DNMT3A: variants seen among roughly 807,000 people sequenced by gnomAD.
DNMT3A encodes DNA methyltransferase 3 alpha.
A neutral mutation model predicts 117.6 loss-of-function variants in DNMT3A; 267 were observed. The observed-to-expected ratio is 2.27, with a 90% confidence interval of 2.05 to 2.51. DNMT3A has a LOEUF of 2.51. DNMT3A is among the 30% of genes most tolerant of loss of function. DNMT3A has a pLI of 0.00. For missense variants in DNMT3A, 1,029 were observed against 1,260.2 expected (o/e 0.82, Z 2.78); for synonymous variants, 432 against 474.8 (o/e 0.91, Z 1.17).
chr2:25,275,430 C>A, intron 5 of DNMT3A, 70 bp downstream of exon 5: 12 of 1,509,950 alleles, frequency 7.9e-6, no homozygotes, highest in Non-Finnish European at 1.1e-5. Context: ...CGCCCCCTCA[C>A]ACACACTCGC....
intron 3 of DNMT3A, among the ~76,000 whole-genome samples, chr2:25,299,369 C>T (rs1276200371): frequency 6.6e-6 from 1 of 152,224 alleles, no homozygotes; most frequent in African/African-American, 2.4e-5. Context: ...ACTCCTCAGC[C>T]TGCATCTCCC....
chr2:25,339,207 C>G lies in DNMT3A; in HGVS notation c.-178+2619G>C, dbSNP rs1030494400. On this transcript the variant is annotated intron_variant, in intron 1 of 22. Coordinates refer to ENST00000321117, the MANE Select transcript of DNMT3A (RefSeq NM_022552.5). The surrounding 1 kb of genome is among the most constrained non-coding windows in gnomAD (Gnocchi z 4.9). ...AGGCCTGAAATTCCACCACTAGAATCAGAGCCATAGAATGTCAAAGCTGGA... is the reference window on the plus strand; with the variant it reads ...AGGCCTGAAATTCCACCACTAGAATGAGAGCCATAGAATGTCAAAGCTGGA... Among the ~76,000 whole-genome samples, 29 of 152,104 alleles carry G rather than the reference C, an allele frequency of 1.9e-4. No homozygotes were observed. Among genetic ancestry groups the G allele is most frequent in the African/African-American group, 6.3e-4 (26 of 41,392 alleles).
rs190624111 is a variant in DNMT3A at position 25,264,624 on chromosome 2, G to A, written c.639+10317C>T. 1.1e-3 allele frequency among the ~76,000 whole-genome samples: 160 copies of A among 151,792 alleles called. 1 individual carries two copies. Among genetic ancestry groups the A allele is most frequent in the South Asian group, 8.7e-3 (42 of 4,802 alleles). On this transcript the variant is annotated intron_variant, in intron 6 of 22. Coordinates refer to ENST00000321117, the MANE Select transcript of DNMT3A (RefSeq NM_022552.5). ...CTGGGAGGTGCCTGCCACCACGCCCGGCTAATTTTTTGTATTTTTAGTAGA... is the reference window on the plus strand; with the variant it reads ...CTGGGAGGTGCCTGCCACCACGCCCAGCTAATTTTTTGTATTTTTAGTAGA...
chr2:25,234,389 C>CAT lies in DNMT3A; in HGVS notation c.2628_2629insAT (p.Val877MetfsTer5). On this transcript the variant is annotated frameshift_variant, in exon 23 of 23. Transcript: ENST00000321117. LOFTEE classifies it high-confidence loss of function. This position sits in a 1 kb window ranked among gnomAD's most constrained non-coding sequence, Gnocchi z 4.5. ...CTCGCCAAGCGGCTCATGTTGGAGA[C>CAT]GTCAGTATAGTGGACTGGGAAACCA... The CAT allele has an allele frequency of 6.2e-7, 1 of 1,613,970 alleles. No homozygotes were observed. Among genetic ancestry groups the CAT allele is most frequent in the Non-Finnish European group, 8.5e-7 (1 of 1,179,944 alleles).
At chr2:25,240,530 G>A (rs962835623) in intron 18 of DNMT3A, 80 bp from the exon 19 acceptor site, 128 of 1,581,908 alleles carry the variant, frequency 8.1e-5, no homozygotes, top group Non-Finnish European at 1.0e-4. Context: ...GGGAGGGCAC[G>A]GGAAGACAGG....
At chr2:25,319,766 T>C (rs555592593) in intron 1 of DNMT3A, among the ~76,000 whole-genome samples, 1 of 151,878 alleles carries the variant, frequency 6.6e-6, no homozygotes, top group South Asian at 2.1e-4. Flanking sequence ...AGATTTTTTC[T>C]TTCTTTCTTT....
chr2:25,246,806 G>C (rs949891527), intron 9 of DNMT3A, 30 bp from the exon 10 acceptor site: 24 of 1,608,706 alleles, frequency 1.5e-5, no homozygotes, highest in African/African-American at 4.0e-5. Context: ...GGTTGGGGTT[G>C]TCAGGACAGG....
At chr2:25,310,332 A>G (rs890060614) in intron 2 of DNMT3A, among the ~76,000 whole-genome samples, 3 of 60,654 alleles carry the variant, frequency 4.9e-5, no homozygotes, top group African/African-American at 1.8e-4. Context: ...TTGCCTCCCC[A>G]CCCACCCTCC....
rs2034145864 is a variant in DNMT3A, at chr2:25,311,997, AG to A, written c.72+1915del. On this transcript the variant is annotated intron_variant, in intron 2 of 22. Transcript: ENST00000321117. This position sits in a 1 kb window ranked among gnomAD's most constrained non-coding sequence, Gnocchi z 5.2. ...CAGCAGCGGCGTGGGAGTACAGTCC[AG>A]TAACAGGAGGAGTTTGTCCCAGCTG... Among the ~76,000 whole-genome samples, 1 of 152,108 alleles carries A rather than the reference AG, an allele frequency of 6.6e-6. No individual in the cohort carries two copies. The highest frequency in any genetic ancestry group is 2.1e-4 in the South Asian group (1 of 4,828).
chr2:25,313,930 G>C lies in DNMT3A; in HGVS notation c.55C>G (p.Arg19Gly), dbSNP rs959218576. ...CTGCTCACCTTTCGGTCCTCCTCCC[G>C]CTCCGCAGCAGAGCTGCTGGTGTCC... Reference protein sequence around the residue: ...PGDTSSSAAEREEDRKDGEEQ... With the variant: ...PGDTSSSAAEGEEDRKDGEEQ... Residue 19 changes from arginine to glycine, a missense_variant, in exon 2 of 23, where the codon CGG becomes GGG. By Grantham distance (125) the Arg-to-Gly change is moderately radical. Transcript: ENST00000321117. The C allele has an allele frequency of 6.5e-7, 1 of 1,549,796 alleles. No individual in the cohort carries two copies. Among genetic ancestry groups the C allele is most frequent in the East Asian group, 2.4e-5 (1 of 41,152 alleles).
chr2:25,337,929 G>C lies in DNMT3A; in HGVS notation c.-178+3897C>G, dbSNP rs2149453712. Among the ~76,000 whole-genome samples the C allele has an allele frequency of 6.6e-6, 1 of 152,290 alleles. No individual in the cohort carries two copies. Among genetic ancestry groups the C allele is most frequent in the South Asian group, 2.1e-4 (1 of 4,826 alleles). Reference sequence around the variant, plus strand: ...CTCAGGCCAGGTGGGCTTCTGACGGGCTCTCTGCTCACATACTAATATTCA... The same window carrying C: ...CTCAGGCCAGGTGGGCTTCTGACGGCCTCTCTGCTCACATACTAATATTCA... On this transcript the variant is annotated intron_variant, in intron 1 of 22. Coordinates refer to ENST00000321117, the MANE Select transcript of DNMT3A (RefSeq NM_022552.5). The surrounding 1 kb of genome is among the most constrained non-coding windows in gnomAD (Gnocchi z 5.0).
chr2:25,277,440 G>T (rs1013211571), intron 4 of DNMT3A, among the ~76,000 whole-genome samples: 3 of 152,230 alleles, frequency 2.0e-5, no homozygotes, highest in Admixed American at 6.5e-5. Flanking sequence ...GCCTGGGGGC[G>T]GCCTGGCGGT....
chr2:25,319,650 T>C (rs568855254), intron 1 of DNMT3A, among the ~76,000 whole-genome samples: 2 of 152,276 alleles, frequency 1.3e-5, no homozygotes, highest in East Asian at 3.9e-4. Context: ...GGGGCACGAG[T>C]GCCGTCATCA....
intron 5 of DNMT3A, 99 bp downstream of exon 5, chr2:25,275,401 G>A (rs2031316650): frequency 6.8e-7 from 1 of 1,471,286 alleles, no homozygotes; most frequent in South Asian, 1.3e-5. Context: ...GTGTAAAGAA[G>A]GAGGAGGGGC....
Position 25,341,904 on chromosome 2 carries a change from T to TCGC in DNMT3A, c.-259_-257dup, listed in dbSNP as rs950462430. ...CCGCGTCCCGGCTCGTCCTCTGCTC[T>TCGC]CGCCGCCGCCGCCGCCCGCGCGCCC... On this transcript the variant is annotated 5_prime_UTR_variant, in exon 1 of 23. Transcript: ENST00000321117. 13 of 976,644 alleles carry TCGC rather than the reference T, an allele frequency of 1.3e-5. No individual in the cohort carries two copies. The highest frequency in any genetic ancestry group is 1.2e-4 in the East Asian group (1 of 8,432). 60.5% of individuals were successfully genotyped at this position (976,644 alleles called of 1,614,324 possible).
Position 25,281,802 on chromosome 2 carries a change from G to T in DNMT3A, c.448+639C>A. 3.8e-6 allele frequency: 4 copies of T among 1,066,172 alleles called. No individual in the cohort carries two copies. The highest frequency in any genetic ancestry group is 4.5e-6 in the Non-Finnish European group (4 of 879,808). 66.0% of individuals were successfully genotyped at this position (1,066,172 alleles called of 1,614,324 possible). On this transcript the variant is annotated intron_variant, in intron 4 of 22. Coordinates refer to ENST00000321117, the MANE Select transcript of DNMT3A (RefSeq NM_022552.5). The surrounding 1 kb of genome is among the most constrained non-coding windows in gnomAD (Gnocchi z 4.8). ...CAGGCTTCCAGGGTTAGGCCAAAAA[G>T]TCCCCAGATGAAGAGGCCTGGGCTG...
chr2:25,255,409 A>C (rs1407329505), intron 6 of DNMT3A, among the ~76,000 whole-genome samples: 1 of 152,236 alleles, frequency 6.6e-6, no homozygotes, highest in African/African-American at 2.4e-5. Flanking sequence ...TGGATTTGTT[A>C]TAAAAGTATG....
chr2:25,326,049 A>G (rs2034773147), intron 1 of DNMT3A, among the ~76,000 whole-genome samples: 1 of 151,634 alleles, frequency 6.6e-6, no homozygotes, highest in Non-Finnish European at 1.5e-5. Flanking sequence ...TAGCCTTGTG[A>G]ACAAATGCAG....
intron 1 of DNMT3A, among the ~76,000 whole-genome samples, chr2:25,330,338 C>T (rs1450384274): frequency 6.6e-6 from 1 of 152,204 alleles, no homozygotes; most frequent in Non-Finnish European, 1.5e-5. Context: ...TTTCCACACT[C>T]GGATGGACCG....
Sources: gnomAD v4.1 joint callset for allele counts (sites outside exome capture counted in the v4.1 genomes callset) on GRCh38, gnomAD v4.1.1 for gene constraint, Gnocchi (gnomAD v3.1) non-coding constraint, MANE v1.5 for transcripts, NCBI Gene and HGNC (gene_info 2026-07-23, HGNC 2026-07-21) for gene names.